Variants in MMD2 observed in about 807,000 individuals in gnomAD.
MMD2 encodes the protein monocyte to macrophage differentiation associated 2, also known as monocyte to macrophage differentiation factor 2.
MMD2 carries 30 observed loss-of-function variants against 33.5 expected under a neutral mutation model. The observed-to-expected ratio is 0.90, with a 90% confidence interval of 0.67 to 1.22. The LOEUF (loss-of-function observed/expected upper bound fraction) is 1.22. Among genes scored for constraint, MMD2 ranks in the 50% most tolerant of loss-of-function variants. The pLI is 0.00. For synonymous variants in MMD2, 129 were observed against 123.0 expected, an observed-to-expected ratio of 1.05 and a Z score of -0.32; for missense variants, 364 against 325.4, an observed-to-expected ratio of 1.12 and a Z score of -0.91.
chr7:4,927,636 G>A (rs1785467475), intron 1 of MMD2, among the ~76,000 whole-genome samples: 1 of 152,164 alleles, frequency 6.6e-6, no homozygotes, highest in South Asian at 2.1e-4. Flanking sequence ...GAACCCGGGA[G>A]GCAGAAGTTG....
chr7:4,908,936 G>C (rs1002061424), intron 6 of MMD2, among the ~76,000 whole-genome samples: 1 of 151,320 alleles, frequency 6.6e-6, no homozygotes, highest in Non-Finnish European at 1.5e-5. Flanking sequence ...CAGAGTTATA[G>C]TTTGCAGAGA....
intron 1 of MMD2, among the ~76,000 whole-genome samples, chr7:4,950,954 C>T (rs1331200037): frequency 2.0e-5 from 3 of 152,042 alleles, no homozygotes; most frequent in African/African-American, 7.2e-5. Flanking sequence ...CTCAGATGAC[C>T]CACCCGCCTC....
chr7:4,934,854 A>C (rs4573156), intron 1 of MMD2, among the ~76,000 whole-genome samples: 4 of 152,094 alleles, frequency 2.6e-5, no homozygotes, highest in Admixed American at 6.6e-5. Flanking sequence ...AAGTATGTAA[A>C]CGGGAATAAT....
At chr7:4,958,605 G>A (rs2115171762) in intron 1 of MMD2, among the ~76,000 whole-genome samples, 1 of 152,314 alleles carries the variant, frequency 6.6e-6, no homozygotes, top group African/African-American at 2.4e-5. Flanking sequence ...CTGCCCGAGC[G>A]TAGCTGGCCT....
intron 2 of MMD2, among the ~76,000 whole-genome samples, chr7:4,923,982 G>T (rs1387233872): frequency 6.6e-6 from 1 of 152,074 alleles, no homozygotes; most frequent in African/African-American, 2.4e-5. Context: ...CACGAGGTCA[G>T]GAGATCGAGA....
At chr7:4,920,592 CTTCCT>C (rs1335547487) in intron 2 of MMD2, among the ~76,000 whole-genome samples, 2 of 147,346 alleles carry the variant, frequency 1.4e-5, no homozygotes, top group East Asian at 4.0e-4. Flanking sequence ...CTCTTCTTTC[CTTCCT>C]TTCCTTTCCC....
At chr7:4,893,649 C>G in the MMD2 span, among the ~76,000 whole-genome samples, 3 of 152,056 alleles carry the variant, frequency 2.0e-5, no homozygotes, top group Non-Finnish European at 4.4e-5. Context: ...GCCTCGGCCT[C>G]CCAAAGCACT....
intron 3 of MMD2, among the ~76,000 whole-genome samples, 187 bp from the exon 4 acceptor site, chr7:4,916,266 C>T (rs760875163): frequency 1.2e-4 from 18 of 151,724 alleles, no homozygotes; most frequent in Non-Finnish European, 2.1e-4. Flanking sequence ...GGTCTTCAAA[C>T]CAGGCTCCTT....
chr7:4,933,560 T>G lies in MMD2; in HGVS notation c.48-8028A>C, dbSNP rs902765257. 2.0e-5 allele frequency among the ~76,000 whole-genome samples: 3 copies of G among 151,352 alleles called. 1 individual carries two copies. Among genetic ancestry groups the G allele is most frequent in the African/African-American group, 7.4e-5 (3 of 40,718 alleles). On this transcript the variant is annotated intron_variant, in intron 1 of 6. Coordinates refer to ENST00000401401, the MANE Select transcript of MMD2 (RefSeq NM_198403.4). ...CTCCTCCCTGGTGTTGCACGTCCCT[T>G]CCTTTTTATTGCTGAGCAGTATTGC...
chr7:4,953,748 G>A (rs182280977), intron 1 of MMD2, among the ~76,000 whole-genome samples: 71 of 152,222 alleles, frequency 4.7e-4, no homozygotes, highest in Admixed American at 1.3e-3. Flanking sequence ...TGGAATTAAA[G>A]GCGTGAGCCA....
rs948352380 is a variant in MMD2, at chr7:4,931,197, C to T, written c.48-5665G>A. On this transcript the variant is annotated intron_variant, in intron 1 of 6. Coordinates refer to ENST00000401401, the MANE Select transcript of MMD2 (RefSeq NM_198403.4). ...TGTTTTTTTGAGAAAGGGTCTTGCT[C>T]TGTGGCCCCACTATCATAGCTCACT... Among the ~76,000 whole-genome samples, 4 of 152,176 alleles carry T rather than the reference C, an allele frequency of 2.6e-5. No homozygotes were observed. The South Asian group carries it at 8.3e-4, about 32-fold the overall frequency.
chr7:4,957,120 C>T (rs1048627419), intron 1 of MMD2, among the ~76,000 whole-genome samples: 3 of 150,350 alleles, frequency 2.0e-5, no homozygotes, highest in African/African-American at 7.4e-5. Context: ...GAGCTGAGAT[C>T]ACGCCACCGC....
At chr7:4,894,287 C>T in the MMD2 span, among the ~76,000 whole-genome samples, 1 of 152,152 alleles carries the variant, frequency 6.6e-6, no homozygotes, top group East Asian at 1.9e-4. This position sits in a 1 kb window ranked among gnomAD's most constrained non-coding sequence, Gnocchi z 4.3. Context: ...TGGGGAAGTC[C>T]AGGCCACACG....
At chr7:4,956,818 C>T (rs571334105) in intron 1 of MMD2, among the ~76,000 whole-genome samples, 29 of 152,238 alleles carry the variant, frequency 1.9e-4, no homozygotes, top group South Asian at 6.2e-4. Context: ...ATGTCCACGT[C>T]GGCAGCCTTA....
chr7:4,928,121 T>C (rs2115117038), intron 1 of MMD2, among the ~76,000 whole-genome samples: 1 of 152,322 alleles, frequency 6.6e-6, no homozygotes, highest in East Asian at 1.9e-4. Context: ...TCAGCTCACC[T>C]GGACGTTGCC....
chr7:4,898,950 CAAGCAAGCTAGGAAGG>C, the MMD2 span, among the ~76,000 whole-genome samples: 1 of 150,344 alleles, frequency 6.7e-6, no homozygotes, highest in Non-Finnish European at 1.5e-5. Flanking sequence ...AGCAAGCAAG[CAAGCAAGCTAGGAAGG>C]AAGGAAGCTA....
rs574718701 is a variant in MMD2, at chr7:4,919,467, G to A, written c.290+704C>T. 1.3e-4 allele frequency among the ~76,000 whole-genome samples: 19 copies of A among 150,822 alleles called. No homozygotes were observed. In the South Asian group the frequency reaches 3.2e-3, roughly 25 times the overall value. ...CACCTGTGGTCTCAGTTCCTCAGGCGGCTGAGGCAGGAGGTGCTTGAGCCC... is the reference window on the plus strand; with the variant it reads ...CACCTGTGGTCTCAGTTCCTCAGGCAGCTGAGGCAGGAGGTGCTTGAGCCC... On this transcript the variant is annotated intron_variant, in intron 3 of 6. Transcript: ENST00000401401.
At chr7:4,899,658 A>G in the MMD2 span, among the ~76,000 whole-genome samples, 1 of 152,102 alleles carries the variant, frequency 6.6e-6, no homozygotes, top group Non-Finnish European at 1.5e-5. Context: ...TGTCTCCCAA[A>G]GTGCTGGGAT....
chr7:4,920,957 A>G (rs562217267), intron 2 of MMD2, among the ~76,000 whole-genome samples: 21 of 152,204 alleles, frequency 1.4e-4, no homozygotes, highest in Admixed American at 3.3e-4. Context: ...ACCTCAGGCT[A>G]TCCTCCCACC....
Sources: allele counts gnomAD v4.1 joint callset (sites outside exome capture counted in the v4.1 genomes callset), GRCh38; gene constraint gnomAD v4.1.1; non-coding constraint Gnocchi (gnomAD v3.1); transcripts MANE v1.5; gene names NCBI Gene and HGNC (gene_info 2026-07-23, HGNC 2026-07-21).